Variants in KCTD1 observed in about 807,000 individuals in gnomAD.
KCTD1 encodes BTB/POZ domain-containing protein KCTD1.
A neutral mutation model predicts 66.0 loss-of-function variants in KCTD1; 24 were observed. The observed-to-expected ratio is 0.36, with a 90% CI of 0.26 to 0.51. The LOEUF (loss-of-function observed/expected upper bound fraction) is 0.51. Ranked by LOEUF, KCTD1 falls within the 20% of genes least tolerant of loss-of-function variation. The pLI, the probability that KCTD1 is intolerant of heterozygous loss-of-function variation, is 0.95. For missense variants in KCTD1, 943 were observed against 1,205.2 expected, an observed-to-expected ratio of 0.78 and a Z score of 3.22; for synonymous variants, 511 against 517.2, an observed-to-expected ratio of 0.99 and a Z score of 0.16.
At chr18:26,525,814 T>A (rs1303342891) in intron 1 of KCTD1, among the ~76,000 whole-genome samples, 1 of 152,220 alleles carries the variant, frequency 6.6e-6, no homozygotes, top group Non-Finnish European at 1.5e-5. Context: ...CTTGAACTTG[T>A]GGGCTCATAT....
At chr18:26,470,965 C>A (rs1051204680) in intron 3 of KCTD1, among the ~76,000 whole-genome samples, 2 of 152,098 alleles carry the variant, frequency 1.3e-5, no homozygotes, top group African/African-American at 4.8e-5. Flanking sequence ...GTGAGGTGGG[C>A]AGGGGCCAGA....
chr18:26,523,328 C>T (rs960745149), intron 1 of KCTD1, among the ~76,000 whole-genome samples: 52 of 152,266 alleles, frequency 3.4e-4, no homozygotes, highest in African/African-American at 1.3e-3. Flanking sequence ...TTGGGGGAAA[C>T]TCTGTTGCAG....
At chr18:26,563,433 T>G (rs1462088068) in intron 1 of KCTD1, among the ~76,000 whole-genome samples, 1 of 152,244 alleles carries the variant, frequency 6.6e-6, no homozygotes, top group African/African-American at 2.4e-5. Flanking sequence ...TTGCTCTTCC[T>G]TGAAAACACT....
chr18:26,596,156 G>A (rs552628512), intron 1 of KCTD1, among the ~76,000 whole-genome samples: 2 of 152,330 alleles, frequency 1.3e-5, no homozygotes, highest in African/African-American at 4.8e-5. Flanking sequence ...ACTCGCATGT[G>A]ATAATATTTG....
intron 1 of KCTD1, among the ~76,000 whole-genome samples, chr18:26,502,932 C>G (rs954754952): frequency 2.0e-5 from 3 of 152,190 alleles, no homozygotes; most frequent in African/African-American, 7.2e-5. Flanking sequence ...TGATCTGGAA[C>G]AGCTTCAGGA....
In KCTD1 at chr18:26,535,686, CCT is replaced by C. The variant is rs535668628; in HGVS notation, c.1809+11040_1809+11041del. Among the ~76,000 whole-genome samples the C allele has an allele frequency of 1.2e-3, 188 of 152,248 alleles. 1 individual carries two copies. The highest frequency in any genetic ancestry group is 4.3e-3 in the African/African-American group (180 of 41,542). On this transcript the variant is annotated intron_variant, in intron 1 of 4. Transcript: ENST00000580059. ...ACTTGTGTTTTGGTGTCCTTTTTCTCCTCTCTTTAACACCTAACTATACCATG... is the reference window on the plus strand; with the variant it reads ...ACTTGTGTTTTGGTGTCCTTTTTCTCCTCTTTAACACCTAACTATACCATG...
chr18:26,573,254 G>C (rs576059848), intron 1 of KCTD1, among the ~76,000 whole-genome samples: 5 of 152,204 alleles, frequency 3.3e-5, no homozygotes, highest in South Asian at 2.1e-4. Flanking sequence ...CAGAGGCTGG[G>C]GGGAGGGGAG....
At chr18:26,460,167 A>G (rs1238420948) in intron 3 of KCTD1, among the ~76,000 whole-genome samples, 1 of 152,232 alleles carries the variant, frequency 6.6e-6, no homozygotes, top group Non-Finnish European at 1.5e-5. Context: ...TAAGTGCTTT[A>G]CATGATTTAA....
At chr18:26,490,644 G>A (rs1446008133) in intron 2 of KCTD1, among the ~76,000 whole-genome samples, 1 of 152,184 alleles carries the variant, frequency 6.6e-6, no homozygotes, top group Non-Finnish European at 1.5e-5. Context: ...GAGATACTAA[G>A]CAAAATTCAT....
Position 26,547,682 on chromosome 18 carries a change from CGT to C in KCTD1, c.853_854del (p.Thr285AlafsTer43). 1 of 1,551,174 alleles carries C rather than the reference CGT, an allele frequency of 6.4e-7. No individual in the cohort carries two copies. Among genetic ancestry groups the C allele is most frequent in the Non-Finnish European group, 8.7e-7 (1 of 1,146,974 alleles). Reference sequence around the variant, plus strand: ...TGTACAGCTTGCGCAGGTCGGCGCGCGTGATGGCTTGCTTCTGCACCACCGGC... The same window carrying C: ...TGTACAGCTTGCGCAGGTCGGCGCGCGATGGCTTGCTTCTGCACCACCGGC... ...AGPVVQKQAITRADLRKLYTS... is the reference protein window; with the variant it reads ...AGPVVQKQAIXRADLRKLYTS... On this transcript the variant is annotated frameshift_variant, in exon 1 of 5. Coordinates refer to ENST00000580059, the MANE Select transcript of KCTD1 (RefSeq NM_001142730.3). LOFTEE classifies it high-confidence loss of function.
intron 1 of KCTD1, among the ~76,000 whole-genome samples, chr18:26,625,865 C>T (rs1282892977): frequency 1.3e-5 from 2 of 152,144 alleles, no homozygotes; most frequent in African/African-American, 2.4e-5. Context: ...ACATAGTCCA[C>T]CCTGGCCAGA....
At chr18:26,465,206 C>A (rs1980657547) in intron 3 of KCTD1, among the ~76,000 whole-genome samples, 1 of 152,282 alleles carries the variant, frequency 6.6e-6, no homozygotes, top group Middle Eastern at 3.4e-3. Flanking sequence ...GCCTCAGCCT[C>A]CAGAGTAGCT....
chr18:26,536,650 C>T (rs1457920858), intron 1 of KCTD1, among the ~76,000 whole-genome samples: 2 of 152,172 alleles, frequency 1.3e-5, no homozygotes, highest in Non-Finnish European at 2.9e-5. Flanking sequence ...TTTGGACTTG[C>T]CCTAGGTATT....
chr18:26,510,126 C>T (rs1208983083), intron 1 of KCTD1, among the ~76,000 whole-genome samples: 2 of 152,158 alleles, frequency 1.3e-5, no homozygotes, highest in Non-Finnish European at 2.9e-5. Flanking sequence ...ACTCTAAGGT[C>T]GCTGAGCGGC....
chr18:26,577,517 T>C (rs969887862), intron 1 of KCTD1, among the ~76,000 whole-genome samples: 1 of 151,652 alleles, frequency 6.6e-6, no homozygotes, highest in African/African-American at 2.4e-5. Context: ...ATTATTTCTT[T>C]CGGATAAATT....
upstream of KCTD1, among the ~76,000 whole-genome samples, chr18:26,629,714 A>AC (rs978071644): frequency 1.9e-4 from 22 of 115,866 alleles, no homozygotes; most frequent in African/African-American, 6.5e-4. Context: ...AAAGAGATTG[A>AC]CCCCCCCGCC....
chr18:26,515,166 T>C (rs1198275919), intron 1 of KCTD1, among the ~76,000 whole-genome samples: 1 of 152,200 alleles, frequency 6.6e-6, no homozygotes, highest in East Asian at 1.9e-4. Flanking sequence ...AAAATGGAAA[T>C]GCATTAGAAA....
chr18:26,508,514 A>G (rs1983164409), intron 1 of KCTD1, among the ~76,000 whole-genome samples: 2 of 152,152 alleles, frequency 1.3e-5, no homozygotes, highest in Non-Finnish European at 2.9e-5. Flanking sequence ...GTCACGTTTC[A>G]CTATTGAGTT....
At chr18:26,564,019 CTT>C (rs35602601) in intron 1 of KCTD1, among the ~76,000 whole-genome samples, 5 of 143,098 alleles carry the variant, frequency 3.5e-5, no homozygotes, top group African/African-American at 7.7e-5. Context: ...AAGAGAGGGG[CTT>C]TTTTTTTTTT....
Sources: gnomAD v4.1 joint callset for allele counts (sites outside exome capture counted in the v4.1 genomes callset) on GRCh38, gnomAD v4.1.1 for gene constraint, MANE v1.5 for transcripts, NCBI Gene and HGNC (gene_info 2026-07-23, HGNC 2026-07-21) for gene names.